TMPRSS11D: variants seen among roughly 807,000 people sequenced by gnomAD.
TMPRSS11D encodes the protein transmembrane serine protease 11D, also known as transmembrane protease serine 11D.
Under a neutral mutation model 44.4 loss-of-function variants are expected in TMPRSS11D, and 32 were observed. That is an observed-to-expected ratio of 0.72 (90% CI 0.54 to 0.97). The LOEUF (loss-of-function observed/expected upper bound fraction) is 0.97. Among genes scored for constraint, TMPRSS11D ranks in the 50% least tolerant of loss-of-function variants. The pLI is 0.00. For missense variants in TMPRSS11D, 446 were observed against 502.6 expected (o/e 0.89, Z 1.08); for synonymous variants, 179 against 177.9 (o/e 1.01, Z -0.05).
In TMPRSS11D at chr4:67,832,685, G is replaced by A. The variant is rs143359855; in HGVS notation, c.692+519C>T. On this transcript the variant is annotated intron_variant, in intron 7 of 9. Transcript: ENST00000283916. ...AGTAGCTTCTACAATATATAACACTGTGCTCATACTAGATACTCAATAATC... is the reference window on the plus strand; with the variant it reads ...AGTAGCTTCTACAATATATAACACTATGCTCATACTAGATACTCAATAATC... 1.1e-4 allele frequency among the ~76,000 whole-genome samples: 17 copies of A among 149,502 alleles called. No individual in the cohort carries two copies. In the East Asian group the frequency reaches 3.3e-3, roughly 29 times the overall value.
intron 7 of TMPRSS11D, among the ~76,000 whole-genome samples, chr4:67,832,991 G>A (rs1717982836): frequency 6.6e-6 from 1 of 152,040 alleles, no homozygotes; most frequent in Non-Finnish European, 1.5e-5. Flanking sequence ...TCTTTACTGT[G>A]CTAATATATT....
intron 1 of TMPRSS11D, among the ~76,000 whole-genome samples, chr4:67,864,804 C>T (rs1425824686): frequency 4.0e-5 from 6 of 151,762 alleles, no homozygotes; most frequent in East Asian, 1.9e-4. Context: ...ATAACAGAAT[C>T]GACTCAACAA....
At chr4:67,829,293 T>A (rs537973307) in intron 7 of TMPRSS11D, among the ~76,000 whole-genome samples, 1 of 152,158 alleles carries the variant, frequency 6.6e-6, no homozygotes, top group Admixed American at 6.6e-5. Flanking sequence ...AAGGAGCTTA[T>A]GTTGAGAAAT....
chr4:67,822,861 T>C (rs995953564), intron 9 of TMPRSS11D, among the ~76,000 whole-genome samples: 2 of 152,208 alleles, frequency 1.3e-5, no homozygotes, highest in Non-Finnish European at 2.9e-5. Context: ...TCATTGTGTC[T>C]TTATATCTTG....
intron 1 of TMPRSS11D, among the ~76,000 whole-genome samples, chr4:67,875,452 C>T (rs139198249): frequency 1.3e-5 from 2 of 152,234 alleles, no homozygotes; most frequent in African/African-American, 4.8e-5. Context: ...CCATGGCTAG[C>T]CCATGGATAG....
At chr4:67,827,070 GT>G (rs1338393612) in intron 8 of TMPRSS11D, among the ~76,000 whole-genome samples, 190 bp downstream of exon 8, 6 of 152,042 alleles carry the variant, frequency 3.9e-5, no homozygotes, top group African/African-American at 1.4e-4. Flanking sequence ...AATTCCCATA[GT>G]TTCTGGAGCA....
intron 1 of TMPRSS11D, among the ~76,000 whole-genome samples, chr4:67,860,836 G>C (rs962768353): frequency 4.6e-5 from 7 of 151,986 alleles, no homozygotes; most frequent in African/African-American, 1.7e-4. Context: ...CAGTGCTGTG[G>C]GATACATTTC....
intron 1 of TMPRSS11D, among the ~76,000 whole-genome samples, chr4:67,876,751 C>A (rs191400565): frequency 5.0e-4 from 76 of 152,240 alleles, no homozygotes; most frequent in African/African-American, 1.8e-3. Context: ...TCTATAGATA[C>A]AGTGCTTATT....
In TMPRSS11D at chr4:67,825,759, T is replaced by C; in HGVS notation, c.1068A>G (p.Val356=). ...AILSGMLCAG[V]PQGGVDACQG... is the part of the protein sequence containing the mutation. ...GACATGCGTCCACTCCACCTTGAGG[T>C]ACTCCAGCACACAGCATTCCAGACA... The change falls in exon 9 of 10, where the codon GTA becomes GTG. Residue 356 remains valine, a synonymous_variant. Coordinates refer to ENST00000283916, the MANE Select transcript of TMPRSS11D (RefSeq NM_004262.3). 1 of 1,613,042 alleles carries C rather than the reference T, an allele frequency of 6.2e-7. No homozygotes were observed. The highest frequency in any genetic ancestry group is 8.5e-7 in the Non-Finnish European group (1 of 1,179,418).
intron 1 of TMPRSS11D, among the ~76,000 whole-genome samples, chr4:67,883,682 A>C (rs1341491913): frequency 6.6e-6 from 1 of 152,130 alleles, no homozygotes; most frequent in Non-Finnish European, 1.5e-5. Context: ...ATATGTTGTC[A>C]TAACGCTAAG....
At chr4:67,827,166 G>A in intron 8 of TMPRSS11D, 95 bp downstream of exon 8, 1 of 1,476,126 alleles carries the variant, frequency 6.8e-7, no homozygotes, top group Admixed American at 2.3e-5. Flanking sequence ...TAGAAGAATA[G>A]AAACACCTAT....
At chr4:67,826,751 C>A (rs1158120888) in intron 8 of TMPRSS11D, among the ~76,000 whole-genome samples, 1 of 134,904 alleles carries the variant, frequency 7.4e-6, no homozygotes, top group African/African-American at 2.5e-5. Flanking sequence ...GAGCAAGAAC[C>A]TGTCTGTAGA....
At chr4:67,875,439 T>G (rs77584389) in intron 1 of TMPRSS11D, among the ~76,000 whole-genome samples, 1,576 of 152,310 alleles carry the variant, frequency 0.01, 28 homozygotes, top group African/African-American at 0.035. Context: ...TCCTTCTTCC[T>G]TCCCATGGCT....
chr4:67,878,991 A>G (rs1213200140), intron 1 of TMPRSS11D, among the ~76,000 whole-genome samples: 7 of 152,152 alleles, frequency 4.6e-5, no homozygotes, highest in African/African-American at 7.2e-5. Flanking sequence ...AAGCACTAGG[A>G]TATTTAGGAT....
At chr4:67,846,799 T>C (rs1025249545) in intron 3 of TMPRSS11D, among the ~76,000 whole-genome samples, 3 of 152,174 alleles carry the variant, frequency 2.0e-5, no homozygotes, top group African/African-American at 7.2e-5. Context: ...ATACTTTATA[T>C]GATTTTCAGT....
chr4:67,865,854 T>A (rs1364315247), intron 1 of TMPRSS11D, among the ~76,000 whole-genome samples: 1 of 151,612 alleles, frequency 6.6e-6, no homozygotes, highest in Non-Finnish European at 1.5e-5. Flanking sequence ...AAAAAAAACA[T>A]CTTTCAACAA....
intron 1 of TMPRSS11D, among the ~76,000 whole-genome samples, chr4:67,864,204 T>C (rs1018978037): frequency 3.5e-4 from 53 of 152,180 alleles, no homozygotes; most frequent in African/African-American, 1.3e-3. Context: ...TATTTCACTT[T>C]TTCTCCACAC....
intron 2 of TMPRSS11D, among the ~76,000 whole-genome samples, chr4:67,857,833 T>C (rs555573969): frequency 5.9e-5 from 9 of 152,290 alleles, no homozygotes; most frequent in Non-Finnish European, 1.5e-5. Context: ...CAATCTATTA[T>C]GTATTTCAAA....
intron 4 of TMPRSS11D, among the ~76,000 whole-genome samples, chr4:67,841,882 T>G (rs1162964738): frequency 1.3e-5 from 2 of 152,146 alleles, no homozygotes; most frequent in Non-Finnish European, 2.9e-5. Context: ...GAGAAAGAAT[T>G]AGTATAATTC....
Sources: gnomAD v4.1 joint callset for allele counts (sites outside exome capture counted in the v4.1 genomes callset) on GRCh38, gnomAD v4.1.1 for gene constraint, MANE v1.5 for transcripts, NCBI Gene and HGNC (gene_info 2026-07-23, HGNC 2026-07-21) for gene names.